CHSY1: variants seen among roughly 807,000 people sequenced by gnomAD.
CHSY1 encodes N-acetylgalactosaminyl-proteoglycan 3-beta-glucuronosyltransferase 1.
A neutral mutation model predicts 59.8 loss-of-function variants in CHSY1; 13 were observed. The observed-to-expected ratio is 0.22, with a 90% CI of 0.14 to 0.35. The LOEUF is 0.35. Among genes scored for constraint, CHSY1 ranks in the 10% least tolerant of loss-of-function variants. The pLI, the probability that CHSY1 is intolerant of heterozygous loss-of-function variation, is 1.00. For missense variants in CHSY1, 947 were observed against 1,030.6 expected (o/e 0.92, Z 1.11); for synonymous variants, 459 against 401.2 (o/e 1.14, Z -1.72).
Position 101,251,215 on chromosome 15 carries a change from G to A in CHSY1, c.242C>T (p.Pro81Leu). Residue 81 changes from proline (P) to leucine (L), a missense_variant, in exon 1 of 3, where the codon CCG becomes CTG. Transcript: ENST00000254190. ...WPPGSDPDGG[P>L]RDRNFLFVGV... ...CACGAAGAGAAAGTTCCTGTCGCGC[G>A]GGCCGCCATCTGGGTCCGAGCCGGG... 5 of 1,594,060 alleles carry A rather than the reference G, an allele frequency of 3.1e-6. No homozygotes were observed. The highest frequency in any genetic ancestry group is 4.3e-6 in the Non-Finnish European group (5 of 1,174,356).
intron 1 of CHSY1, among the ~76,000 whole-genome samples, chr15:101,236,110 G>C (rs1295120665): frequency 2.0e-5 from 3 of 152,144 alleles, no homozygotes; most frequent in African/African-American, 7.2e-5. Context: ...ACTAAGAGAA[G>C]TACTCCCAAA....
chr15:101,216,653 T>G (rs1047628865), intron 2 of CHSY1, among the ~76,000 whole-genome samples: 2 of 152,194 alleles, frequency 1.3e-5, no homozygotes, highest in Admixed American at 6.5e-5. Flanking sequence ...ATGATTCCAA[T>G]TATATGACAT....
chr15:101,223,055 G>A (rs1249385110), intron 2 of CHSY1, among the ~76,000 whole-genome samples: 4 of 152,196 alleles, frequency 2.6e-5, no homozygotes, highest in Non-Finnish European at 4.4e-5. Flanking sequence ...GTGCAGTGGC[G>A]CTGTCTGGGC....
chr15:101,248,046 GT>G (rs555609193), intron 1 of CHSY1, among the ~76,000 whole-genome samples: 2 of 151,156 alleles, frequency 1.3e-5, no homozygotes, highest in African/African-American at 4.9e-5. Context: ...TTGTTTTTTT[GT>G]TTTTTTTAAA....
intron 2 of CHSY1, among the ~76,000 whole-genome samples, chr15:101,224,276 G>A (rs1352733449): frequency 6.6e-6 from 1 of 152,204 alleles, no homozygotes; most frequent in African/African-American, 2.4e-5. Flanking sequence ...TGGCTCAGAG[G>A]AGAGAAGAAA....
chr15:101,229,119 T>C (rs571211474), intron 2 of CHSY1, among the ~76,000 whole-genome samples: 192 of 152,224 alleles, frequency 1.3e-3, no homozygotes, highest in Non-Finnish European at 2.4e-3. Context: ...ATTACAATGG[T>C]ACACTAGGTA....
intron 2 of CHSY1, among the ~76,000 whole-genome samples, chr15:101,228,641 G>C (rs931730192): frequency 3.9e-5 from 6 of 152,032 alleles, no homozygotes; most frequent in African/African-American, 1.2e-4. Context: ...GGAGAAATTA[G>C]GAAAAAAGTG....
At chr15:101,208,292 A>G (rs1180113931) in intron 2 of CHSY1, among the ~76,000 whole-genome samples, 1 of 152,160 alleles carries the variant, frequency 6.6e-6, no homozygotes, top group African/African-American at 2.4e-5. Context: ...AATGTTTTCC[A>G]CTAAAAAGAA....
In CHSY1 at chr15:101,178,683, CCT is replaced by C; in HGVS notation, c.1112_1113del (p.Glu371GlyfsTer18). On this transcript the variant is annotated frameshift_variant, in exon 3 of 3. Coordinates refer to ENST00000254190, the MANE Select transcript of CHSY1 (RefSeq NM_014918.5). LOFTEE classifies it high-confidence loss of function. Reference sequence around the variant, plus strand: ...GTCAGAAACTCCCATTCCAGAATCTCCTCTCGCTGGCGGGGCTGAAACCTCAT... The same window carrying C: ...GTCAGAAACTCCCATTCCAGAATCTCCTCGCTGGCGGGGCTGAAACCTCAT... ...SFMRFQPRQREEILEWEFLTG... is the reference protein window; with the variant it reads ...SFMRFQPRQRXEILEWEFLTG... The C allele has an allele frequency of 6.2e-7, 1 of 1,614,256 alleles. No homozygotes were observed. Among genetic ancestry groups the C allele is most frequent in the Non-Finnish European group, 8.5e-7 (1 of 1,180,054 alleles).
chr15:101,246,953 T>G (rs1483253423), intron 1 of CHSY1, among the ~76,000 whole-genome samples: 1 of 152,214 alleles, frequency 6.6e-6, no homozygotes, highest in African/African-American at 2.4e-5. Flanking sequence ...TGACAAGCTG[T>G]CCTTAATTTG....
At chr15:101,234,799 G>A (rs1382997341) in intron 2 of CHSY1, among the ~76,000 whole-genome samples, 3 of 152,248 alleles carry the variant, frequency 2.0e-5, no homozygotes, top group African/African-American at 4.8e-5. Context: ...CCCAGGAGGC[G>A]GAGGTTAAAG....
intron 2 of CHSY1, among the ~76,000 whole-genome samples, chr15:101,211,260 G>A (rs534722957): frequency 1.5e-4 from 23 of 152,332 alleles, no homozygotes; most frequent in African/African-American, 5.3e-4. Flanking sequence ...GGAGATGGAG[G>A]TTGCAGTGAG....
chr15:101,227,566 T>C (rs948946770), intron 2 of CHSY1, among the ~76,000 whole-genome samples: 1 of 152,174 alleles, frequency 6.6e-6, no homozygotes, highest in Non-Finnish European at 1.5e-5. Context: ...AGCTTCAATA[T>C]ATTACTCCTG....
intron 2 of CHSY1, among the ~76,000 whole-genome samples, chr15:101,210,402 T>A (rs2038671924): frequency 6.6e-6 from 1 of 152,190 alleles, no homozygotes; most frequent in Non-Finnish European, 1.5e-5. Flanking sequence ...TTAAACAACG[T>A]CTAGAAGAGA....
At chr15:101,219,662 G>A (rs1381861735) in intron 2 of CHSY1, among the ~76,000 whole-genome samples, 1 of 152,120 alleles carries the variant, frequency 6.6e-6, no homozygotes, top group African/African-American at 2.4e-5. Context: ...CTGCCACTGA[G>A]GTTGATTTTT....
At chr15:101,209,540 G>C (rs1478224539) in intron 2 of CHSY1, among the ~76,000 whole-genome samples, 1 of 152,088 alleles carries the variant, frequency 6.6e-6, no homozygotes, top group East Asian at 1.9e-4. Context: ...GAGCTTCAGA[G>C]ACTGGAAATT....
Position 101,177,416 on chromosome 15 carries a change from TTGC to T in CHSY1, c.2378_2380del (p.Ser793del). ...GGCTGTCCTCACTGAGCCATTATTA[TTGC>T]TGCTTTTACTGTAACTTGGATCATT... On this transcript the variant is annotated inframe_deletion, in exon 3 of 3. Coordinates refer to ENST00000254190, the MANE Select transcript of CHSY1 (RefSeq NM_014918.5). 2 of 1,613,476 alleles carry T rather than the reference TTGC, an allele frequency of 1.2e-6. No homozygotes were observed. The highest frequency in any genetic ancestry group is 2.2e-5 in the East Asian group (1 of 44,886).
intron 2 of CHSY1, among the ~76,000 whole-genome samples, chr15:101,222,320 C>T (rs1304422922): frequency 1.3e-5 from 2 of 152,188 alleles, no homozygotes; most frequent in African/African-American, 4.8e-5. Context: ...GTCCAATTAT[C>T]TCTTGGTTCT....
chr15:101,221,425 G>A (rs1411925477), intron 2 of CHSY1, among the ~76,000 whole-genome samples: 1 of 152,160 alleles, frequency 6.6e-6, no homozygotes, highest in African/African-American at 2.4e-5. Context: ...CCCGGGAGGA[G>A]CCAAGCTTGC....
Sources: allele counts gnomAD v4.1 joint callset (sites outside exome capture counted in the v4.1 genomes callset), GRCh38; gene constraint gnomAD v4.1.1; transcripts MANE v1.5; gene names NCBI Gene and HGNC (gene_info 2026-07-23, HGNC 2026-07-21).